TIPIN: variants seen among roughly 807,000 people sequenced by gnomAD.
TIPIN encodes TIMELESS-interacting protein.
A neutral mutation model predicts 35.6 loss-of-function variants in TIPIN; 29 were observed. The ratio of observed to expected loss-of-function variants is 0.82; its 90% CI spans 0.61 to 1.11. TIPIN has a LOEUF of 1.11. TIPIN is among the 50% of genes most tolerant of loss of function. The probability of loss-of-function intolerance (pLI) is 0.00; values close to 1 mark genes in which losing one functional copy is unlikely to be tolerated. For synonymous variants in TIPIN, 102 were observed against 121.5 expected (o/e 0.84, Z 1.06); for missense variants, 296 against 345.4 (o/e 0.86, Z 1.13).
chr15:66,355,027 CTTT>C (rs747834289), intron 1 of TIPIN, among the ~76,000 whole-genome samples: 9 of 112,734 alleles, frequency 8.0e-5, no homozygotes, highest in South Asian at 6.0e-4. Flanking sequence ...CAATATATAT[CTTT>C]TTTTTTTTTT....
intron 1 of TIPIN, among the ~76,000 whole-genome samples, chr15:66,371,680 A>AT (rs974411725): frequency 1.0e-4 from 15 of 150,708 alleles, no homozygotes; most frequent in Non-Finnish European, 1.8e-4. Context: ...TGCCTGGCTA[A>AT]TTTTTTTTTG....
Position 66,341,372 on chromosome 15 carries a change from A to C in TIPIN, c.476-16T>G. 1.3e-6 allele frequency: 2 copies of C among 1,599,840 alleles called. No individual in the cohort carries two copies. The highest frequency in any genetic ancestry group is 2.2e-5 in the South Asian group (2 of 90,064). ...GCAACTTCATCTGCAATAGAAAAGA[A>C]ATAGTACATCTGTGGTGTTAGACTA... On this transcript the variant is annotated splice_polypyrimidine_tract_variant and intron_variant, in intron 6 of 7. Coordinates refer to ENST00000261881, the MANE Select transcript of TIPIN (RefSeq NM_017858.3).
intron 1 of TIPIN, chr15:66,371,482 G>T: frequency 1.5e-6 from 1 of 661,264 alleles, no homozygotes; most frequent in Non-Finnish European, 1.9e-6. Flanking sequence ...GTTTTTCCAT[G>T]AGTTTATTTA....
chr15:66,386,308 C>G (rs1211049692), intron 1 of TIPIN: 1 of 149,740 alleles, frequency 6.7e-6, no homozygotes, highest in African/African-American at 2.4e-5. Context: ...AAAAAAGTTC[C>G]CAAGTCTAAA....
chr15:66,361,226 CTCTTT>C (rs2093229589), upstream of TIPIN, among the ~76,000 whole-genome samples: 1 of 149,954 alleles, frequency 6.7e-6, no homozygotes, highest in Non-Finnish European at 1.5e-5. Context: ...ATTCCTTATT[CTCTTT>C]TCATTTTTCA....
chr15:66,366,895 C>G (rs1425308346), intron 1 of TIPIN: 88 of 984,936 alleles, frequency 8.9e-5, no homozygotes, highest in Non-Finnish European at 1.9e-5. Flanking sequence ...AATTGGAAGC[C>G]CATTGGCTGG....
At chr15:66,355,114 A>T (rs1335999993) in intron 1 of TIPIN, among the ~76,000 whole-genome samples, 1 of 149,136 alleles carries the variant, frequency 6.7e-6, no homozygotes, top group Admixed American at 6.8e-5. Flanking sequence ...GCTCACTGCA[A>T]GCTCCGCCTC....
At chr15:66,354,439 C>T (rs932016874) in intron 1 of TIPIN, among the ~76,000 whole-genome samples, 1 of 152,210 alleles carries the variant, frequency 6.6e-6, no homozygotes, top group African/African-American at 2.4e-5. Context: ...TTCTCCTTAT[C>T]TCTATAACCA....
chr15:66,380,019 T>TTTGAAG (rs2093312730), intron 1 of TIPIN: 1 of 567,410 alleles, frequency 1.8e-6, no homozygotes. Context: ...TTTTTTTTTT[T>TTTGAAG]GAGACGGAGT....
intron 1 of TIPIN, chr15:66,366,778 AAAAAG>A: frequency 8.3e-6 from 8 of 961,032 alleles, no homozygotes; most frequent in Non-Finnish European, 8.7e-6. Flanking sequence ...AAAAAAAAAA[AAAAAG>A]AAAGAAAGAA....
intron 1 of TIPIN, among the ~76,000 whole-genome samples, chr15:66,368,557 C>G (rs547349787): frequency 6.6e-6 from 1 of 151,992 alleles, no homozygotes; most frequent in East Asian, 1.9e-4. Context: ...AAAATATAGT[C>G]TATAAACTAA....
chr15:66,370,711 C>G (rs2093274814), intron 1 of TIPIN, among the ~76,000 whole-genome samples: 1 of 152,058 alleles, frequency 6.6e-6, no homozygotes, highest in Non-Finnish European at 1.5e-5. Context: ...GGTGGAATTT[C>G]TTCATGTGAA....
At chr15:66,347,303 T>C (rs1384037611) in intron 6 of TIPIN, 1 of 516,728 alleles carries the variant, frequency 1.9e-6, no homozygotes, top group East Asian at 5.5e-5. Context: ...ATGGTTGCAC[T>C]GTACAACTAA....
rs543590469 is a variant in TIPIN, at chr15:66,385,061, G to A, written c.-9+1546C>T. On this transcript the variant is annotated intron_variant, in intron 1 of 7. Transcript: ENST00000562124. ...GTCATTCTACCACAGTGAGAAAGCT[G>A]GCTCTGTCATGCTTAATATATTTAG... is the stretch of plus-strand genomic sequence containing the variant. Among the ~76,000 whole-genome samples the A allele has an allele frequency of 3.5e-4, 54 of 152,298 alleles. 1 individual carries two copies. The East Asian group carries it at 5.8e-3, about 16-fold the overall frequency.
intron 1 of TIPIN, chr15:66,383,732 T>C (rs1278458068): frequency 7.7e-6 from 2 of 259,232 alleles, no homozygotes; most frequent in Non-Finnish European, 1.2e-5. Flanking sequence ...TCAAAGAATA[T>C]AAAGCAGCAG....
At chr15:66,362,715 A>G (rs2093236879) in intron 1 of TIPIN, among the ~76,000 whole-genome samples, 1 of 152,182 alleles carries the variant, frequency 6.6e-6, no homozygotes, top group Non-Finnish European at 1.5e-5. Context: ...AAAAGACTAC[A>G]TCTCAAAAAA....
chr15:66,361,441 G>C (rs1238191474), upstream of TIPIN, among the ~76,000 whole-genome samples: 1 of 151,260 alleles, frequency 6.6e-6, no homozygotes, highest in East Asian at 2.0e-4. Context: ...ATTTTTAGTA[G>C]AGACGGGGTT....
At chr15:66,371,169 C>T in intron 1 of TIPIN, 1 of 919,646 alleles carries the variant, frequency 1.1e-6, no homozygotes, top group Non-Finnish European at 1.3e-6. Context: ...TGAGATCTCG[C>T]CATTGCACTG....
chr15:66,375,528 T>TATATATATATATA (rs1566986565), intron 1 of TIPIN, among the ~76,000 whole-genome samples: 3 of 139,052 alleles, frequency 2.2e-5, no homozygotes, highest in South Asian at 2.3e-4. Flanking sequence ...TATATATATA[T>TATATATATATATA]TTCAAAAGCC....
Sources: allele counts gnomAD v4.1 joint callset (sites outside exome capture counted in the v4.1 genomes callset), GRCh38; gene constraint gnomAD v4.1.1; transcripts MANE v1.5; gene names NCBI Gene and HGNC (gene_info 2026-07-23, HGNC 2026-07-21).